The following TSC22D1 variants were observed in gnomAD, a reference collection of about 807,000 sequenced individuals.
The protein encoded by TSC22D1 is TSC22 domain family protein 1.
TSC22D1 carries 9 observed loss-of-function variants against 74.2 expected under a neutral mutation model. That is an observed-to-expected ratio of 0.12 (90% confidence interval 0.07 to 0.21). The LOEUF is 0.21. Among genes scored for constraint, TSC22D1 ranks in the 10% least tolerant of loss-of-function variants. The pLI, the probability that TSC22D1 is intolerant of heterozygous loss-of-function variation, is 1.00. For synonymous variants in TSC22D1, 586 were observed against 492.5 expected (o/e 1.19, Z -2.51); for missense variants, 1,427 against 1,304.7 (o/e 1.09, Z -1.44).
Position 44,523,381 on chromosome 13 carries a change from C to T in TSC22D1, c.2912+49782G>A, listed in dbSNP as rs536804021. ...CAGCTTTATTCAGAACTGCCAAAAA[C>T]ATCAAGCAACCAAGCTGTCCTTCAT... On this transcript the variant is annotated intron_variant, in intron 1 of 2. Transcript: ENST00000458659. Among the ~76,000 whole-genome samples, 20 of 152,260 alleles carry T rather than the reference C, an allele frequency of 1.3e-4. No individual in the cohort carries two copies. The South Asian group carries it at 4.1e-3, about 32-fold the overall frequency.
At chr13:44,443,817 C>G (rs926508421) in intron 1 of TSC22D1, among the ~76,000 whole-genome samples, 2 of 152,084 alleles carry the variant, frequency 1.3e-5, no homozygotes, top group Non-Finnish European at 2.9e-5. Flanking sequence ...GCTGAGTACA[C>G]TATGATAAGT....
intron 1 of TSC22D1, among the ~76,000 whole-genome samples, chr13:44,560,795 A>G (rs1882988179): frequency 6.6e-6 from 1 of 152,246 alleles, no homozygotes; most frequent in Non-Finnish European, 1.5e-5. Context: ...TTAAAACAAT[A>G]TAACGAACAT....
At chr13:44,536,441 A>G (rs1034621144) in intron 1 of TSC22D1, among the ~76,000 whole-genome samples, 3 of 151,890 alleles carry the variant, frequency 2.0e-5, no homozygotes, top group Admixed American at 2.0e-4. Context: ...AGAATCAATA[A>G]AACTAAATAT....
chr13:44,459,087 A>T (rs1277761541), intron 1 of TSC22D1, among the ~76,000 whole-genome samples: 5 of 152,114 alleles, frequency 3.3e-5, no homozygotes, highest in Admixed American at 6.5e-5. Context: ...GGCAGTGAGA[A>T]CTTGTGCTTT....
intron 1 of TSC22D1, among the ~76,000 whole-genome samples, chr13:44,461,463 A>G (rs1404279418): frequency 6.6e-6 from 1 of 152,158 alleles, no homozygotes. Context: ...AGCATAAGAG[A>G]AGGTAACCGA....
At chr13:44,478,894 AGTGTGT>A (rs60733643) in intron 1 of TSC22D1, among the ~76,000 whole-genome samples, 3 of 150,064 alleles carry the variant, frequency 2.0e-5, no homozygotes, top group Non-Finnish European at 3.0e-5. Flanking sequence ...ACACACAGGT[AGTGTGT>A]GTGTGTGTGT....
At chr13:44,466,054 C>T (rs1468025858) in intron 1 of TSC22D1, among the ~76,000 whole-genome samples, 1 of 152,084 alleles carries the variant, frequency 6.6e-6, no homozygotes, top group Non-Finnish European at 1.5e-5. Flanking sequence ...TCATTTTTCC[C>T]AACAAAATTT....
chr13:44,468,485 C>T (rs1229271055), intron 1 of TSC22D1, among the ~76,000 whole-genome samples: 1 of 149,938 alleles, frequency 6.7e-6, no homozygotes, highest in Non-Finnish European at 1.5e-5. Context: ...ACAACCCTAA[C>T]AGTCACCTGG....
intron 1 of TSC22D1, among the ~76,000 whole-genome samples, chr13:44,549,061 A>T (rs1595156337): frequency 1.3e-5 from 2 of 152,314 alleles, no homozygotes; most frequent in East Asian, 3.9e-4. Context: ...AGTTTATTAC[A>T]GAATAGATAA....
At chr13:44,541,908 G>A (rs1283594478) in intron 1 of TSC22D1, among the ~76,000 whole-genome samples, 1 of 152,030 alleles carries the variant, frequency 6.6e-6, no homozygotes, top group African/African-American at 2.4e-5. Flanking sequence ...GCAAATAGGT[G>A]CTATAAAAGT....
chr13:44,435,407 T>C lies in TSC22D1; in HGVS notation c.2965-524A>G, dbSNP rs1595073315. On this transcript the variant is annotated intron_variant, in intron 2 of 2. Coordinates refer to ENST00000458659, the MANE Select transcript of TSC22D1 (RefSeq NM_183422.4). ...AGCCAATGGGAGCCCGAGTTATTTATAGCTCCGAATTAAAGGTTCAGAGTT... is the reference window on the plus strand; with the variant it reads ...AGCCAATGGGAGCCCGAGTTATTTACAGCTCCGAATTAAAGGTTCAGAGTT... 3 of 156,644 alleles carry C rather than the reference T, an allele frequency of 1.9e-5. No homozygotes were observed. In the Middle Eastern group the frequency reaches 9.7e-3, roughly 509 times the overall value. The allele number at this position is 156,644 out of a possible 1,614,324, so 9.7% of individuals were successfully genotyped here. A position where few individuals can be genotyped will look rare whatever the true frequency, so the allele number is the denominator to read the frequency against.
At chr13:44,564,855 G>A (rs1235494249) in intron 1 of TSC22D1, among the ~76,000 whole-genome samples, 1 of 151,826 alleles carries the variant, frequency 6.6e-6, no homozygotes, top group African/African-American at 2.4e-5. Context: ...TGGCAATAAG[G>A]ATGGAAAAAA....
chr13:44,522,987 TA>T (rs1566152262), intron 1 of TSC22D1, among the ~76,000 whole-genome samples: 2 of 146,290 alleles, frequency 1.4e-5, no homozygotes, highest in African/African-American at 5.1e-5. Flanking sequence ...GAAAAAATCT[TA>T]AAAAAGAGCA....
At chr13:44,466,919 T>G (rs1021738593) in intron 1 of TSC22D1, among the ~76,000 whole-genome samples, 3 of 152,056 alleles carry the variant, frequency 2.0e-5, no homozygotes, top group Admixed American at 6.6e-5. Context: ...TCCCAGCACT[T>G]TGGGAGGCCG....
At chr13:44,446,206 T>C (rs1417948725) in intron 1 of TSC22D1, among the ~76,000 whole-genome samples, 1 of 152,108 alleles carries the variant, frequency 6.6e-6, no homozygotes, top group Non-Finnish European at 1.5e-5. Context: ...CTGATACACA[T>C]AACAACCTGA....
At position 44,519,125 on chromosome 13, in the gene TSC22D1, T is replaced by C. The variant is rs575525357; in HGVS notation, c.2912+54038A>G. Among the ~76,000 whole-genome samples the C allele has an allele frequency of 7.6e-4, 116 of 152,324 alleles. 1 individual carries two copies. Among genetic ancestry groups the C allele is most frequent in the African/African-American group, 2.6e-3 (110 of 41,576 alleles). ...AGCAAGGGGCTGGGAGAGGATGTTATAGTTTAAGTTAGTTCAGCTTTTACA... is the reference window on the plus strand; with the variant it reads ...AGCAAGGGGCTGGGAGAGGATGTTACAGTTTAAGTTAGTTCAGCTTTTACA... On this transcript the variant is annotated intron_variant, in intron 1 of 2. Coordinates refer to ENST00000458659, the MANE Select transcript of TSC22D1 (RefSeq NM_183422.4).
At chr13:44,470,202 T>C (rs996971284) in intron 1 of TSC22D1, among the ~76,000 whole-genome samples, 1 of 152,100 alleles carries the variant, frequency 6.6e-6, no homozygotes, top group Non-Finnish European at 1.5e-5. Context: ...GAAAGAAAAC[T>C]TCCCCCTAGT....
intron 1 of TSC22D1, among the ~76,000 whole-genome samples, chr13:44,473,418 C>T (rs929267950): frequency 4.6e-5 from 7 of 152,006 alleles, no homozygotes; most frequent in Admixed American, 1.3e-4. Context: ...TCTCTTGAGC[C>T]CAGGAGGTCG....
Position 44,433,547 on chromosome 13 carries a change from G to T in TSC22D1, c.*1079C>A, listed in dbSNP as rs555639242. ...TTTATCAACATTTATATGCTTTATT[G>T]AAAGTTGACAAGTGCAACAGTTAAA... On this transcript the variant is annotated 3_prime_UTR_variant, in exon 3 of 3. Coordinates refer to ENST00000458659, the MANE Select transcript of TSC22D1 (RefSeq NM_183422.4). 1 of 155,052 alleles carries T rather than the reference G, an allele frequency of 6.4e-6. No homozygotes were observed. Among genetic ancestry groups the T allele is most frequent in the African/African-American group, 2.4e-5 (1 of 41,578 alleles). The allele number at this position is 155,052 out of a possible 1,614,324, so 9.6% of individuals were successfully genotyped here. A position where few individuals can be genotyped will look rare whatever the true frequency, so the allele number is the denominator to read the frequency against.
Sources: allele counts gnomAD v4.1 joint callset (sites outside exome capture counted in the v4.1 genomes callset), GRCh38; gene constraint gnomAD v4.1.1; transcripts MANE v1.5; gene names NCBI Gene and HGNC (gene_info 2026-07-23, HGNC 2026-07-21).